MACROD2: variants seen among roughly 807,000 people sequenced by gnomAD.
The protein encoded by MACROD2 is ADP-ribose glycohydrolase MACROD2.
Under a neutral mutation model 70.4 loss-of-function variants are expected in MACROD2, and 36 were observed. The ratio of observed to expected loss-of-function variants is 0.51; its 90% confidence interval spans 0.39 to 0.68. The LOEUF is 0.68. MACROD2 is among the 30% of genes least tolerant of loss of function. The pLI is 0.00. For synonymous variants in MACROD2, 172 were observed against 178.8 expected, an observed-to-expected ratio of 0.96 and a Z score of 0.30; for missense variants, 496 against 538.4, an observed-to-expected ratio of 0.92 and a Z score of 0.78.
chr20:15,273,344 C>T (rs2077362313), intron 6 of MACROD2, among the ~76,000 whole-genome samples: 1 of 151,940 alleles, frequency 6.6e-6, no homozygotes, highest in Non-Finnish European at 1.5e-5. Flanking sequence ...GACTGGCTCT[C>T]CTTGCTCCTT....
chr20:14,498,125 C>T (rs1331673565), intron 4 of MACROD2, among the ~76,000 whole-genome samples: 1 of 151,640 alleles, frequency 6.6e-6, no homozygotes, highest in African/African-American at 2.4e-5. Context: ...ATTAATGTCC[C>T]TTCATACAAT....
chr20:15,787,548 G>GGT (rs2051950663), intron 8 of MACROD2, among the ~76,000 whole-genome samples: 1 of 152,096 alleles, frequency 6.6e-6, no homozygotes, highest in South Asian at 2.1e-4. Context: ...CCACTTGTAA[G>GGT]TGAGAACATG....
intron 4 of MACROD2, among the ~76,000 whole-genome samples, chr20:14,641,672 T>C (rs565913070): frequency 6.6e-6 from 1 of 152,230 alleles, no homozygotes; most frequent in African/African-American, 2.4e-5. Flanking sequence ...CTTGGGTGAC[T>C]GAATGCATTG....
intron 6 of MACROD2, among the ~76,000 whole-genome samples, chr20:15,389,535 C>T (rs559444305): frequency 5.9e-5 from 9 of 152,168 alleles, no homozygotes; most frequent in Non-Finnish European, 1.0e-4. Flanking sequence ...ATTAGCACTC[C>T]CCTGGGGGTT....
chr20:15,373,054 T>TAA (rs994676484), intron 6 of MACROD2, among the ~76,000 whole-genome samples: 1 of 151,158 alleles, frequency 6.6e-6, no homozygotes, highest in East Asian at 1.9e-4. Flanking sequence ...GAGAAAACCC[T>TAA]AAAAAAAAAT....
At chr20:15,162,192 G>GT (rs558088947) in intron 5 of MACROD2, among the ~76,000 whole-genome samples, 1 of 152,134 alleles carries the variant, frequency 6.6e-6, no homozygotes, top group African/African-American at 2.4e-5. Flanking sequence ...AGATCCCCAA[G>GT]TTTTTGTTTT....
intron 4 of MACROD2, among the ~76,000 whole-genome samples, chr20:14,524,909 G>A (rs759429244): frequency 1.3e-5 from 2 of 151,986 alleles, no homozygotes; most frequent in Non-Finnish European, 2.9e-5. Context: ...GCAAGAACTC[G>A]TTCACCACAC....
At chr20:14,643,697 G>C (rs541088970) in intron 4 of MACROD2, among the ~76,000 whole-genome samples, 97 of 152,318 alleles carry the variant, frequency 6.4e-4, no homozygotes, top group Admixed American at 5.1e-3. Context: ...TTGCATGTTA[G>C]ATAGTCATGT....
chr20:14,788,719 G>T (rs1457087775), intron 5 of MACROD2, among the ~76,000 whole-genome samples: 4 of 137,364 alleles, frequency 2.9e-5, no homozygotes, highest in East Asian at 2.1e-4. Flanking sequence ...TTTCTTCTTT[G>T]TACTTTTTGT....
At chr20:14,778,597 C>T (rs760515958) in intron 5 of MACROD2, among the ~76,000 whole-genome samples, 3 of 152,068 alleles carry the variant, frequency 2.0e-5, no homozygotes, top group Non-Finnish European at 4.4e-5. Flanking sequence ...AGTTTGGGGG[C>T]GTAATCTTAG....
intron 3 of MACROD2, among the ~76,000 whole-genome samples, chr20:14,197,955 C>G (rs1283735390): frequency 1.3e-5 from 2 of 152,096 alleles, no homozygotes; most frequent in Non-Finnish European, 2.9e-5. Flanking sequence ...AGAAATGACA[C>G]ATTACATTAC....
chr20:14,091,159 A>T (rs550417473), intron 3 of MACROD2, among the ~76,000 whole-genome samples: 3 of 152,050 alleles, frequency 2.0e-5, no homozygotes, highest in African/African-American at 7.2e-5. Flanking sequence ...TCCTTTTCAG[A>T]TGTATTTTTT....
chr20:14,230,631 T>TGTGTGTATATATATATATATATATA (rs1569217269), intron 3 of MACROD2, among the ~76,000 whole-genome samples: 2 of 94,262 alleles, frequency 2.1e-5, no homozygotes, highest in African/African-American at 1.1e-4. Flanking sequence ...TCATTCATGT[T>TGTGTGTATATATATATATATATATA]TATATATATA....
intron 7 of MACROD2, among the ~76,000 whole-genome samples, chr20:15,492,830 C>G (rs1197906692): frequency 1.3e-5 from 2 of 152,142 alleles, no homozygotes; most frequent in Non-Finnish European, 2.9e-5. Flanking sequence ...ATTTCATGTG[C>G]AGAGTTCAAG....
chr20:14,689,946 A>C (rs914609363), intron 5 of MACROD2, among the ~76,000 whole-genome samples: 1 of 152,220 alleles, frequency 6.6e-6, no homozygotes, highest in Non-Finnish European at 1.5e-5. Context: ...AGGAAAAATT[A>C]TGCTAATATT....
intron 8 of MACROD2, among the ~76,000 whole-genome samples, chr20:15,851,756 T>G (rs1423439300): frequency 6.6e-6 from 1 of 152,044 alleles, no homozygotes; most frequent in African/African-American, 2.4e-5. Flanking sequence ...AGTCAGTCAT[T>G]GGATGCAGGC....
At chr20:15,260,366 A>G (rs532347153) in intron 6 of MACROD2, among the ~76,000 whole-genome samples, 233 of 150,274 alleles carry the variant, frequency 1.6e-3, no homozygotes, top group Admixed American at 3.7e-3. Flanking sequence ...TAGCTCCCAC[A>G]TATAAGTGAG....
intron 8 of MACROD2, among the ~76,000 whole-genome samples, chr20:15,538,575 T>C (rs559942288): frequency 6.6e-6 from 1 of 152,210 alleles, no homozygotes; most frequent in Non-Finnish European, 1.5e-5. Context: ...TGAAGCATCA[T>C]TGTTCAGTGC....
At position 14,862,221 on chromosome 20, in the gene MACROD2, A is replaced by ATTTATATATT. The variant is rs1190558968; in HGVS notation, c.418+177262_418+177263insTTTATATATT. Among the ~76,000 whole-genome samples the ATTTATATATT allele has an allele frequency of 4.3e-4, 9 of 21,128 alleles. 1 individual carries two copies. The highest frequency in any genetic ancestry group is 5.7e-4 in the African/African-American group (4 of 7,028). 13.9% of individuals were successfully genotyped at this position (21,128 alleles called of 152,430 possible). On this transcript the variant is annotated intron_variant, in intron 5 of 17. Coordinates refer to ENST00000684519, the MANE Select transcript of MACROD2 (RefSeq NM_001351661.2). The stretch of plus-strand genomic sequence containing the variant: ...TAAATATATAAATATATATATATAT[A>ATTTATATATT]AATATATATAAATATATATTTATAT...
Sources: allele counts gnomAD v4.1 joint callset (sites outside exome capture counted in the v4.1 genomes callset), GRCh38; gene constraint gnomAD v4.1.1; transcripts MANE v1.5; gene names NCBI Gene and HGNC (gene_info 2026-07-23, HGNC 2026-07-21).